The following EPS15L1 variants were observed in gnomAD, a reference collection of about 807,000 sequenced individuals.
EPS15L1 encodes the protein epidermal growth factor receptor substrate 15-like 1.
EPS15L1 carries 43 observed loss-of-function variants against 117.1 expected under a neutral mutation model. The ratio of observed to expected loss-of-function variants is 0.37; its 90% confidence interval spans 0.29 to 0.47. EPS15L1 has a LOEUF of 0.47. Among genes scored for constraint, EPS15L1 ranks in the 20% least tolerant of loss-of-function variants. The pLI is 0.99. For missense variants in EPS15L1, 981 were observed against 1,164.0 expected (o/e 0.84, Z 2.29); for synonymous variants, 459 against 470.5 (o/e 0.98, Z 0.32).
At chr19:16,464,876 C>A (rs752544779) in intron 1 of EPS15L1, among the ~76,000 whole-genome samples, 1 of 151,270 alleles carries the variant, frequency 6.6e-6, no homozygotes, top group African/African-American at 2.4e-5. Context: ...AAGGTCAGAT[C>A]GAGACCATCC....
At chr19:16,421,599 T>C (rs1490773606) in intron 9 of EPS15L1, 123 bp from the exon 10 acceptor site, 2 of 1,033,504 alleles carry the variant, frequency 1.9e-6, no homozygotes, top group Non-Finnish European at 2.9e-6. Context: ...TCTCCTCACT[T>C]CCATGAGCCA....
At chr19:16,414,169 G>C (rs1240638126) in intron 12 of EPS15L1, among the ~76,000 whole-genome samples, 1 of 152,168 alleles carries the variant, frequency 6.6e-6, no homozygotes. Context: ...AGGTGGAGGG[G>C]CCACGTGAGG....
intron 12 of EPS15L1, 109 bp from the exon 13 acceptor site, chr19:16,413,954 G>C (rs1475878350): frequency 1.3e-6 from 1 of 783,994 alleles, no homozygotes; most frequent in South Asian, 1.5e-5. Flanking sequence ...TGTGCTGGCA[G>C]AAGTCTAAGA....
At chr19:16,441,842 GA>G in intron 3 of EPS15L1, 49 bp downstream of exon 3, 1 of 1,459,424 alleles carries the variant, frequency 6.9e-7, no homozygotes, top group Non-Finnish European at 9.5e-7. Context: ...CCTGCGGGGG[GA>G]GCTGTGAGGG....
intron 22 of EPS15L1, among the ~76,000 whole-genome samples, chr19:16,374,044 A>G (rs1475072861): frequency 6.6e-6 from 1 of 152,256 alleles, no homozygotes; most frequent in African/African-American, 2.4e-5. Flanking sequence ...CTGCGCGTGC[A>G]TTGGCTGTTT....
intron 22 of EPS15L1, among the ~76,000 whole-genome samples, chr19:16,364,857 G>A (rs1007017320): frequency 2.0e-5 from 3 of 152,222 alleles, no homozygotes; most frequent in East Asian, 1.9e-4. Context: ...CCTATCGGCC[G>A]CCCACCAGCT....
At chr19:16,458,016 C>A (rs946338247) in intron 1 of EPS15L1, among the ~76,000 whole-genome samples, 15 of 152,178 alleles carry the variant, frequency 9.9e-5, no homozygotes, top group African/African-American at 1.9e-4. Flanking sequence ...TCCTTTCCTG[C>A]ATCAGCTACT....
chr19:16,439,063 GT>G (rs1001246226), intron 4 of EPS15L1, among the ~76,000 whole-genome samples: 2 of 146,302 alleles, frequency 1.4e-5, no homozygotes, highest in African/African-American at 5.0e-5. Context: ...CACTTAGCTT[GT>G]TTTTTTTCTG....
At chr19:16,444,577 A>C (rs1052836811) in intron 1 of EPS15L1, among the ~76,000 whole-genome samples, 1 of 152,198 alleles carries the variant, frequency 6.6e-6, no homozygotes, top group Non-Finnish European at 1.5e-5. Flanking sequence ...GTCATCTGTC[A>C]GTAAAGGTGA....
At chr19:16,360,965 A>G (rs1277730346) in intron 23 of EPS15L1, among the ~76,000 whole-genome samples, 2 of 152,332 alleles carry the variant, frequency 1.3e-5, no homozygotes, top group South Asian at 2.1e-4. Context: ...GGCATCACAC[A>G]TAGTGAAACC....
Position 16,385,318 on chromosome 19 carries a change from G to A in EPS15L1, c.2165-107C>T, listed in dbSNP as rs1599557860. On this transcript the variant is annotated intron_variant, in intron 20 of 23. Transcript: ENST00000455140. Reference sequence around the variant, plus strand: ...CCCCTGAACCAGGAGACTCAGGAAGGCTGCATTTATTCATTAGACACGTGT... The same window carrying A: ...CCCCTGAACCAGGAGACTCAGGAAGACTGCATTTATTCATTAGACACGTGT... 5 of 922,034 alleles carry A rather than the reference G, an allele frequency of 5.4e-6. No individual in the cohort carries two copies. In the East Asian group the frequency reaches 1.2e-4, roughly 22 times the overall value. The allele number at this position is 922,034 out of a possible 1,614,324, so 57.1% of individuals were successfully genotyped here. A position where few individuals can be genotyped will look rare whatever the true frequency, so the allele number is the denominator to read the frequency against.
At chr19:16,419,424 G>A (rs1184519335) in intron 10 of EPS15L1, among the ~76,000 whole-genome samples, 4 of 151,752 alleles carry the variant, frequency 2.6e-5, no homozygotes, top group South Asian at 2.1e-4. Flanking sequence ...GCGCCAATGC[G>A]CTCCAGCCTG....
In EPS15L1 at chr19:16,355,478, GTGGAGAGAC is replaced by G. The variant is rs1206591401; in HGVS notation, c.*218_*226del. 1 of 546,318 alleles carries G rather than the reference GTGGAGAGAC, an allele frequency of 1.8e-6. No homozygotes were observed. Among genetic ancestry groups the G allele is most frequent in the African/African-American group, 1.9e-5 (1 of 53,274 alleles). The allele number at this position is 546,318 out of a possible 1,614,324, so 33.8% of individuals were successfully genotyped here. A position where few individuals can be genotyped will look rare whatever the true frequency, so the allele number is the denominator to read the frequency against. On this transcript the variant is annotated 3_prime_UTR_variant, in exon 24 of 24. Transcript: ENST00000455140. Reference sequence around the variant, plus strand: ...AGTCAGCCCCGGGGGGGATGGCACAGTGGAGAGACGGACCTGCAGAAGTGGTGGCCAAGG... The same window carrying G: ...AGTCAGCCCCGGGGGGGATGGCACAGGGACCTGCAGAAGTGGTGGCCAAGG...
At chr19:16,462,624 T>C (rs924246737) in intron 1 of EPS15L1, among the ~76,000 whole-genome samples, 1 of 152,100 alleles carries the variant, frequency 6.6e-6, no homozygotes, top group Non-Finnish European at 1.5e-5. Flanking sequence ...GCCAAGATCA[T>C]GCCATTACAC....
chr19:16,461,497 G>A (rs532994844), intron 1 of EPS15L1, among the ~76,000 whole-genome samples: 2 of 151,102 alleles, frequency 1.3e-5, no homozygotes, highest in South Asian at 2.1e-4. Context: ...TGGCATACAC[G>A]TGTGGTCCCA....
chr19:16,460,108 C>T (rs2093234427), intron 1 of EPS15L1, among the ~76,000 whole-genome samples: 2 of 152,074 alleles, frequency 1.3e-5, no homozygotes, highest in African/African-American at 4.8e-5. Flanking sequence ...GACCCTAGCC[C>T]TACAAAAATT....
intron 23 of EPS15L1, among the ~76,000 whole-genome samples, chr19:16,359,731 G>A (rs1372536731): frequency 6.6e-6 from 1 of 152,070 alleles, no homozygotes; most frequent in Non-Finnish European, 1.5e-5. Context: ...ATGTGGTGGT[G>A]CGCGCCTGAG....
rs951627119 is a variant in EPS15L1, at chr19:16,365,448, G to C, written c.2381-3464C>G. On this transcript the variant is annotated intron_variant, in intron 22 of 23. Coordinates refer to ENST00000455140, the MANE Select transcript of EPS15L1 (RefSeq NM_001258374.3). This position sits in a 1 kb window ranked among gnomAD's most constrained non-coding sequence, Gnocchi z 4.9. ...ATGTGAAGATGCACCAGGCCAAGGA[G>C]AGGTCTCAGAAGAAACCAACCCCAC... Among the ~76,000 whole-genome samples, 5 of 152,234 alleles carry C rather than the reference G, an allele frequency of 3.3e-5. No individual in the cohort carries two copies. Among genetic ancestry groups the C allele is most frequent in the Admixed American group, 6.5e-5 (1 of 15,278 alleles).
chr19:16,366,215 C>G (rs1457775610), intron 22 of EPS15L1, among the ~76,000 whole-genome samples: 1 of 152,090 alleles, frequency 6.6e-6, no homozygotes, highest in Non-Finnish European at 1.5e-5. Flanking sequence ...CGAAGCCGTT[C>G]CTGCAGGGAG....
Sources: gnomAD v4.1 joint callset for allele counts (sites outside exome capture counted in the v4.1 genomes callset) on GRCh38, gnomAD v4.1.1 for gene constraint, Gnocchi (gnomAD v3.1) non-coding constraint, MANE v1.5 for transcripts, NCBI Gene and HGNC (gene_info 2026-07-23, HGNC 2026-07-21) for gene names.